Variants in CRYBB2 observed in about 807,000 individuals in gnomAD.
CRYBB2 encodes the protein beta-crystallin B2.
Under a neutral mutation model 24.3 loss-of-function variants are expected in CRYBB2, and 12 were observed. The ratio of observed to expected loss-of-function variants is 0.49; its 90% CI spans 0.32 to 0.80. The LOEUF (loss-of-function observed/expected upper bound fraction) is 0.80, where lower values mean the gene tolerates loss of function less well. Ranked by LOEUF, CRYBB2 falls within the 30% of genes least tolerant of loss-of-function variation. CRYBB2 has a pLI of 0.04. For missense variants in CRYBB2, 198 were observed against 268.5 expected (o/e 0.74, Z 1.83); for synonymous variants, 98 against 101.6 (o/e 0.96, Z 0.21).
chr22:25,225,789 C>T (rs1489212131), intron 3 of CRYBB2, among the ~76,000 whole-genome samples: 1 of 152,174 alleles, frequency 6.6e-6, no homozygotes, highest in Non-Finnish European at 1.5e-5. Context: ...TGCAGAGTTC[C>T]ATGGTCCTAC....
At chr22:25,227,418 T>C (rs948958258) in intron 3 of CRYBB2, among the ~76,000 whole-genome samples, 10 of 151,894 alleles carry the variant, frequency 6.6e-5, no homozygotes, top group Non-Finnish European at 1.5e-4. Flanking sequence ...CTAACTTCAC[T>C]TGCAGCCGTG....
intron 3 of CRYBB2, among the ~76,000 whole-genome samples, chr22:25,227,619 CCTT>C (rs200666878): frequency 0.016 from 2,346 of 150,234 alleles, 23 homozygotes; most frequent in South Asian, 0.041. Flanking sequence ...ATTTAGACTG[CCTT>C]CTTATTTCTT....
chr22:25,218,780 A>AGAGAGAGAGAAAGAAAG, upstream of CRYBB2, among the ~76,000 whole-genome samples: 1 of 23,446 alleles, frequency 4.3e-5, no homozygotes, highest in East Asian at 1.8e-3. Flanking sequence ...AGAGAGAGAG[A>AGAGAGAGAGAAAGAAAG]AGAAAGAAAG....
chr22:25,230,674 C>CT (rs1389587385), intron 5 of CRYBB2, among the ~76,000 whole-genome samples: 7 of 122,202 alleles, frequency 5.7e-5, no homozygotes, highest in African/African-American at 3.1e-4. Flanking sequence ...TCCTATTCCC[C>CT]TTCATTCCCT....
intron 5 of CRYBB2, 123 bp downstream of exon 5, chr22:25,229,701 G>A (rs1935498562): frequency 1.5e-6 from 2 of 1,354,052 alleles, no homozygotes; most frequent in Admixed American, 2.0e-5. Context: ...GCTGACCTCT[G>A]GCTTCCCACT....
chr22:25,216,054 A>G (rs1056415561), upstream of CRYBB2, among the ~76,000 whole-genome samples: 1 of 152,232 alleles, frequency 6.6e-6, no homozygotes, highest in Non-Finnish European at 1.5e-5. Context: ...AAAGATGAGT[A>G]TGGACAGTGC....
chr22:25,212,146 A>T (rs1030850368), upstream of CRYBB2, among the ~76,000 whole-genome samples: 2 of 152,214 alleles, frequency 1.3e-5, no homozygotes, highest in African/African-American at 4.8e-5. Flanking sequence ...TCATTTTTTG[A>T]CAAGAAGGAG....
chr22:25,212,926 C>T (rs903046179), intron 1 of CRYBB2: 6 of 152,174 alleles, frequency 3.9e-5, no homozygotes, highest in East Asian at 3.9e-4. Context: ...AAATGTCTAA[C>T]GCATATTAAG....
chr22:25,227,222 C>T (rs2146091759), intron 3 of CRYBB2, among the ~76,000 whole-genome samples: 1 of 152,274 alleles, frequency 6.6e-6, no homozygotes, highest in African/African-American at 2.4e-5. Flanking sequence ...CCATGCCCGA[C>T]CTGAAAGCCA....
upstream of CRYBB2, among the ~76,000 whole-genome samples, chr22:25,218,786 G>GA (rs1377014091): frequency 2.9e-5 from 2 of 67,840 alleles, no homozygotes; most frequent in East Asian, 5.6e-4. Flanking sequence ...AGAGAAGAAA[G>GA]AAAGAAAGAA....
upstream of CRYBB2, among the ~76,000 whole-genome samples, chr22:25,218,772 AGAGAGAG>A (rs1380327147): frequency 0.018 from 535 of 30,176 alleles, 7 homozygotes; most frequent in East Asian, 0.03. Flanking sequence ...AGAGAGAGAG[AGAGAGAG>A]AAGAAAGAAA....
chr22:25,217,597 G>C (rs556873096), upstream of CRYBB2, among the ~76,000 whole-genome samples: 1 of 152,126 alleles, frequency 6.6e-6, no homozygotes, highest in South Asian at 2.1e-4. Context: ...GATTACAGGC[G>C]TGAGCCGCTG....
At chr22:25,214,127 C>G (rs993132548) in intron 1 of CRYBB2, among the ~76,000 whole-genome samples, 1 of 152,082 alleles carries the variant, frequency 6.6e-6, no homozygotes, top group African/African-American at 2.4e-5. Flanking sequence ...TTGCTTGAGG[C>G]TTGGAGTTCG....
chr22:25,221,578 C>A, intron 2 of CRYBB2, 95 bp downstream of exon 2: 2 of 910,962 alleles, frequency 2.2e-6, no homozygotes, highest in Non-Finnish European at 3.6e-6. Context: ...TTCATGGGTA[C>A]CCCCTCTCGA....
chr22:25,221,473 T>C lies in CRYBB2; in HGVS notation c.44T>C (p.Leu15Pro). The stretch of plus-strand genomic sequence containing the variant: ...ACCCAGGCGGGCAAGCCACAGTCCC[T>C]CAACCCCAAGGTGGGTACCTCTCAG... ...HQTQAGKPQS[L>P]NPKIIIFEQE... The change falls in exon 2 of 6, where the codon CTC (leucine) becomes CCC (proline). Residue 15 changes from leucine to proline, a missense_variant. Physicochemically the swap from Leu to Pro is moderately conservative, Grantham distance 98 (BLOSUM62 -3). Transcript: ENST00000398215. 1 of 1,613,126 alleles carries C rather than the reference T, an allele frequency of 6.2e-7. No individual in the cohort carries two copies. The highest frequency in any genetic ancestry group is 8.5e-7 in the Non-Finnish European group (1 of 1,179,124).
chr22:25,221,590 C>T lies in CRYBB2; in HGVS notation c.54+107C>T, dbSNP rs562141444. On this transcript the variant is annotated intron_variant, in intron 2 of 5. Transcript: ENST00000398215. Reference sequence around the variant, plus strand: ...TTCTTCATGGGTACCCCCTCTCGACCCCTGCCCCTCTCTGGGACTCAGTCT... The same window carrying T: ...TTCTTCATGGGTACCCCCTCTCGACTCCTGCCCCTCTCTGGGACTCAGTCT... 1.9e-4 allele frequency: 147 copies of T among 792,668 alleles called. 3 individuals carry two copies. The South Asian group carries it at 2.0e-3, about 11-fold the overall frequency. 49.1% of individuals were successfully genotyped at this position (792,668 alleles called of 1,614,324 possible).
intron 2 of CRYBB2, among the ~76,000 whole-genome samples, chr22:25,224,055 C>T (rs1935369918): frequency 1.4e-5 from 2 of 147,770 alleles, no homozygotes; most frequent in African/African-American, 2.5e-5. Flanking sequence ...ACCCAGGAGG[C>T]GGAGCTTGCA....
intron 1 of CRYBB2, chr22:25,212,927 G>A (rs940545970): frequency 2.6e-5 from 4 of 152,108 alleles, no homozygotes; most frequent in East Asian, 1.9e-4. Context: ...AATGTCTAAC[G>A]CATATTAAGT....
At chr22:25,228,778 G>A (rs145543021) in intron 4 of CRYBB2, among the ~76,000 whole-genome samples, 21 of 152,336 alleles carry the variant, frequency 1.4e-4, no homozygotes, top group African/African-American at 4.8e-4. Flanking sequence ...GAGGGATAAG[G>A]GTTTTATGTG....
Sources: gnomAD v4.1 joint callset for allele counts (sites outside exome capture counted in the v4.1 genomes callset) on GRCh38, gnomAD v4.1.1 for gene constraint, MANE v1.5 for transcripts, NCBI Gene and HGNC (gene_info 2026-07-23, HGNC 2026-07-21) for gene names.